Variants in NR2C2 observed in about 807,000 individuals in gnomAD.
NR2C2 encodes nuclear receptor subfamily 2 group C member 2, also known as Nuclear hormone receptor TR4.
A neutral mutation model predicts 62.9 loss-of-function variants in NR2C2; 6 were observed. The observed-to-expected ratio is 0.10, with a 90% CI of 0.05 to 0.19. The LOEUF (loss-of-function observed/expected upper bound fraction) is 0.19, where lower values mean the gene tolerates loss of function less well. NR2C2 is among the 10% of genes least tolerant of loss of function. The pLI is 1.00. For missense variants in NR2C2, 479 were observed against 762.7 expected, an observed-to-expected ratio of 0.63 and a Z score of 4.38; for synonymous variants, 272 against 273.8, an observed-to-expected ratio of 0.99 and a Z score of 0.07.
At chr3:14,984,427 A>C (rs1189193125) in intron 1 of NR2C2, among the ~76,000 whole-genome samples, 2 of 152,120 alleles carry the variant, frequency 1.3e-5, no homozygotes, top group Non-Finnish European at 2.9e-5. Flanking sequence ...TTCTTTTCTA[A>C]TATAAGCATT....
chr3:15,030,254 A>G lies in NR2C2; in HGVS notation c.933-21A>G, dbSNP rs759984452. On this transcript the variant is annotated intron_variant, in intron 8 of 13. Transcript: ENST00000425241. Reference sequence around the variant, plus strand: ...AAAGCTGTAGATTCACAACAATTACATGCTTCATTTTTGCTCACAGGGCAT... The same window carrying G: ...AAAGCTGTAGATTCACAACAATTACGTGCTTCATTTTTGCTCACAGGGCAT... 11 of 1,600,732 alleles carry G rather than the reference A, an allele frequency of 6.9e-6. No homozygotes were observed. In the East Asian group the frequency reaches 2.0e-4, roughly 29 times the overall value.
chr3:14,949,875 T>G (rs1207775548), intron 1 of NR2C2, among the ~76,000 whole-genome samples: 1 of 152,248 alleles, frequency 6.6e-6, no homozygotes, highest in Non-Finnish European at 1.5e-5. Flanking sequence ...GATAGAGATA[T>G]TTATACACAT....
chr3:14,957,091 C>G (rs932293275), intron 1 of NR2C2, among the ~76,000 whole-genome samples: 1 of 152,222 alleles, frequency 6.6e-6, no homozygotes. Flanking sequence ...TGGTCAGTAT[C>G]TGAGAGATGA....
At position 15,021,380 on chromosome 3, in the gene NR2C2, C is replaced by G. The variant is rs73147266; in HGVS notation, c.556+448C>G. Among the ~76,000 whole-genome samples the G allele has an allele frequency of 6.3e-3, 966 of 152,304 alleles. 13 individuals are homozygous for G. Among genetic ancestry groups the G allele is most frequent in the African/African-American group, 0.022 (900 of 41,552 alleles). On this transcript the variant is annotated intron_variant, in intron 5 of 13. Coordinates refer to ENST00000425241, the MANE Select transcript of NR2C2 (RefSeq NM_001291694.2). The stretch of plus-strand genomic sequence containing the variant: ...CCTGTCTTCTTAGCCCCTCTACTTT[C>G]TTTTGGGATAAGGTCCTTTGCCAAG...
rs1169901613 is a variant in NR2C2 at position 14,947,755 on chromosome 3, T to G, written c.-191T>G. On this transcript the variant is annotated 5_prime_UTR_variant, in exon 1 of 14. Coordinates refer to ENST00000425241, the MANE Select transcript of NR2C2 (RefSeq NM_001291694.2). ...CGCTCCCACCTCGGCGTCTCGTCTC[T>G]CGCCCGCTGCCCCGCGAGCCCGCGG... 6.8e-6 allele frequency: 1 copy of G among 146,902 alleles called. No individual in the cohort carries two copies. The highest frequency in any genetic ancestry group is 2.5e-5 in the African/African-American group (1 of 39,794). The allele number at this position is 146,902 out of a possible 1,614,324, so 9.1% of individuals were successfully genotyped here.
At chr3:14,980,519 T>A (rs1262514873) in intron 1 of NR2C2, among the ~76,000 whole-genome samples, 1 of 151,932 alleles carries the variant, frequency 6.6e-6, no homozygotes, top group African/African-American at 2.4e-5. Flanking sequence ...ATGTGATACA[T>A]GTATTTCTGA....
chr3:14,967,781 A>C (rs2039900306), intron 1 of NR2C2, among the ~76,000 whole-genome samples: 2 of 152,242 alleles, frequency 1.3e-5, no homozygotes, highest in Admixed American at 1.3e-4. Context: ...TATTGGTACC[A>C]AAACAGAGAT....
At position 15,045,703 on chromosome 3, in the gene NR2C2, C is replaced by G. The variant is rs1272071334; in HGVS notation, c.*2695C>G. 1 of 152,668 alleles carries G rather than the reference C, an allele frequency of 6.6e-6. No homozygotes were observed. The highest frequency in any genetic ancestry group is 6.5e-5 in the Admixed American group (1 of 15,286). The allele number at this position is 152,668 out of a possible 1,614,324, so 9.5% of individuals were successfully genotyped here. ...AAGTCAAGAATTACTTAAAGAGATG[C>G]AAACCAAATATTTGGGCTCCAACTT... On this transcript the variant is annotated 3_prime_UTR_variant, in exon 14 of 14. Coordinates refer to ENST00000425241, the MANE Select transcript of NR2C2 (RefSeq NM_001291694.2).
At chr3:14,996,461 T>C (rs1193493024) in intron 1 of NR2C2, among the ~76,000 whole-genome samples, 2 of 152,274 alleles carry the variant, frequency 1.3e-5, no homozygotes, top group Non-Finnish European at 2.9e-5. Context: ...ATGTAACTGA[T>C]GTTTAACTTA....
At chr3:15,023,084 G>T in intron 5 of NR2C2, 116 bp from the exon 6 acceptor site, 1 of 1,161,700 alleles carries the variant, frequency 8.6e-7, no homozygotes, top group East Asian at 2.4e-5. Flanking sequence ...AGCTGAGCTA[G>T]ATGAACCTAG....
intron 1 of NR2C2, among the ~76,000 whole-genome samples, chr3:14,975,878 A>G (rs532502505): frequency 3.3e-5 from 5 of 152,156 alleles, no homozygotes; most frequent in Admixed American, 2.0e-4. Context: ...TACTTATTCT[A>G]TCTTCTTACT....
chr3:15,020,540 C>G (rs77217851), intron 4 of NR2C2, among the ~76,000 whole-genome samples: 1,703 of 152,274 alleles, frequency 0.011, 13 homozygotes, highest in Non-Finnish European at 0.019. Context: ...GTATTTCCAT[C>G]ATGAATTCAT....
chr3:15,029,488 A>T (rs907453228), intron 8 of NR2C2, among the ~76,000 whole-genome samples: 3 of 152,180 alleles, frequency 2.0e-5, no homozygotes, highest in African/African-American at 7.2e-5. Flanking sequence ...GTGGTCTGAT[A>T]ACAAATAAGA....
At chr3:15,036,252 A>G (rs556140259) in intron 11 of NR2C2, among the ~76,000 whole-genome samples, 1 of 152,018 alleles carries the variant, frequency 6.6e-6, no homozygotes, top group Non-Finnish European at 1.5e-5. Flanking sequence ...AGTCCAGGAC[A>G]TACGTACCTC....
At chr3:14,963,797 A>AT (rs1170640940) in intron 1 of NR2C2, among the ~76,000 whole-genome samples, 1 of 152,114 alleles carries the variant, frequency 6.6e-6, no homozygotes, top group African/African-American at 2.4e-5. Context: ...CAAAGAGAGG[A>AT]TTTTTTTAAA....
At chr3:15,005,057 C>G (rs924220525) in intron 2 of NR2C2, among the ~76,000 whole-genome samples, 1 of 151,798 alleles carries the variant, frequency 6.6e-6, no homozygotes, top group East Asian at 1.9e-4. Flanking sequence ...CCAGCCACCC[C>G]TTTCTTATTA....
At chr3:15,026,544 CTA>C (rs1461875550) in intron 7 of NR2C2, 3 of 152,134 alleles carry the variant, frequency 2.0e-5, no homozygotes, top group Non-Finnish European at 4.4e-5. Context: ...CTTTCTGACT[CTA>C]TGGTTTTGTC....
intron 1 of NR2C2, among the ~76,000 whole-genome samples, chr3:15,002,080 C>T (rs1652968631): frequency 1.3e-5 from 2 of 152,062 alleles, no homozygotes; most frequent in South Asian, 4.1e-4. Flanking sequence ...TATTCTTTTT[C>T]TTTCCTAATT....
intron 11 of NR2C2, 81 bp from the exon 12 acceptor site, chr3:15,037,919 C>G (rs892124340): frequency 7.2e-7 from 1 of 1,388,296 alleles, no homozygotes; most frequent in Admixed American, 2.3e-5. Flanking sequence ...GGTCCCATTT[C>G]TTTCCATATG....
Sources: allele counts gnomAD v4.1 joint callset (sites outside exome capture counted in the v4.1 genomes callset), GRCh38; gene constraint gnomAD v4.1.1; transcripts MANE v1.5; gene names NCBI Gene and HGNC (gene_info 2026-07-23, HGNC 2026-07-21).